BRSK1: variants seen among roughly 807,000 people sequenced by gnomAD.
BRSK1 encodes serine/threonine-protein kinase BRSK1.
BRSK1 carries 17 observed loss-of-function variants against 86.2 expected under a neutral mutation model. That is an observed-to-expected ratio of 0.20 (90% CI 0.14 to 0.30). BRSK1 has a LOEUF of 0.30. Among genes scored for constraint, BRSK1 ranks in the 10% least tolerant of loss-of-function variants. BRSK1 has a pLI of 1.00. For missense variants in BRSK1, 719 were observed against 1,071.9 expected (o/e 0.67, Z 4.60); for synonymous variants, 464 against 440.1 (o/e 1.05, Z -0.68).
At position 55,284,293 on chromosome 19, in the gene BRSK1, G is replaced by A; in HGVS notation, c.-150G>A. The A allele has an allele frequency of 1.6e-6, 1 of 634,904 alleles. No homozygotes were observed. The highest frequency in any genetic ancestry group is 2.2e-6 in the Non-Finnish European group (1 of 445,984). 39.3% of individuals were successfully genotyped at this position (634,904 alleles called of 1,614,324 possible). On this transcript the variant is annotated 5_prime_UTR_variant, in exon 1 of 19. Coordinates refer to ENST00000309383, the MANE Select transcript of BRSK1 (RefSeq NM_032430.2). ...AGCTCCGCGGCCCGCCGACTGGGGG[G>A]GGCCAGCCCAGCCCCCTGGGGACCC...
chr19:55,305,258 T>A, intron 14 of BRSK1, 63 bp from the exon 15 acceptor site: 1 of 1,596,402 alleles, frequency 6.3e-7, no homozygotes, highest in South Asian at 1.1e-5. Flanking sequence ...AGTGCAGGCC[T>A]GTGTGCTGGC....
rs557556929 is a variant in BRSK1, at chr19:55,309,312, C to T, written c.2179+584C>T. Among the ~76,000 whole-genome samples, 51 of 152,250 alleles carry T rather than the reference C, an allele frequency of 3.3e-4. 1 individual carries two copies. Among genetic ancestry groups the T allele is most frequent in the South Asian group, 6.2e-4 (3 of 4,828 alleles). ...GTGCAAGATCTTGCTCTGGGGAATC[C>T]GGCCTTCCCGGGCTCCCAGTCCTGG... is the stretch of plus-strand genomic sequence containing the variant. On this transcript the variant is annotated intron_variant, in intron 18 of 18. Coordinates refer to ENST00000309383, the MANE Select transcript of BRSK1 (RefSeq NM_032430.2).
chr19:55,291,602 A>G (rs896648689), intron 4 of BRSK1, among the ~76,000 whole-genome samples: 2 of 152,216 alleles, frequency 1.3e-5, no homozygotes, highest in Admixed American at 6.5e-5. Context: ...CTAACTGTTC[A>G]GGTACAAAAT....
At chr19:55,290,803 G>A (rs971209005) in intron 4 of BRSK1, among the ~76,000 whole-genome samples, 2 of 151,876 alleles carry the variant, frequency 1.3e-5, no homozygotes, top group East Asian at 1.9e-4. Flanking sequence ...CACCACGCCC[G>A]GCTAATTTTT....
intron 8 of BRSK1, 123 bp downstream of exon 8, chr19:55,301,781 C>T: frequency 8.2e-7 from 1 of 1,221,528 alleles, no homozygotes; most frequent in Non-Finnish European, 1.1e-6. Context: ...ACTGGGATCG[C>T]CAGCTGAGCC....
chr19:55,284,728 C>T lies in BRSK1; in HGVS notation c.136+150C>T, dbSNP rs2088282425. On this transcript the variant is annotated intron_variant, in intron 1 of 18. Transcript: ENST00000309383. Reference sequence around the variant, plus strand: ...GGACTTGGGATTCAGACTCCTGGGTCCCTGGATGGAGGGGGTGGGGGGCGC... The same window carrying T: ...GGACTTGGGATTCAGACTCCTGGGTTCCTGGATGGAGGGGGTGGGGGGCGC... 7.9e-6 allele frequency: 5 copies of T among 636,146 alleles called. No individual in the cohort carries two copies. The South Asian group carries it at 2.3e-4, about 30-fold the overall frequency. 39.4% of individuals were successfully genotyped at this position (636,146 alleles called of 1,614,324 possible).
Position 55,312,056 on chromosome 19 carries a change from C to G in BRSK1, c.2325C>G (p.Thr775=). Residue 775 remains threonine, a synonymous_variant, in exon 19 of 19, where the codon ACC becomes ACG. Coordinates refer to ENST00000309383, the MANE Select transcript of BRSK1 (RefSeq NM_032430.2). ...KDKKLLATNG[T]PLP is the part of the protein sequence containing the mutation. ...AGAAGCTCCTGGCCACCAACGGGAC[C>G]CCTCTGCCCTGACCCCACGGGGCCG... The G allele has an allele frequency of 6.9e-7, 1 of 1,453,838 alleles. No individual in the cohort carries two copies. Among genetic ancestry groups the G allele is most frequent in the African/African-American group, 1.5e-5 (1 of 68,866 alleles). 90.1% of individuals were successfully genotyped at this position (1,453,838 alleles called of 1,614,324 possible). A position where few individuals can be genotyped will look rare whatever the true frequency, so the allele number is the denominator to read the frequency against.
chr19:55,286,040 TGG>T (rs71181749), intron 1 of BRSK1, among the ~76,000 whole-genome samples: 1 of 60,646 alleles, frequency 1.6e-5, no homozygotes, highest in Non-Finnish European at 2.9e-5. Context: ...GAGGAGGGGC[TGG>T]GGGTCTGGAG....
At chr19:55,297,337 G>T (rs565779174) in intron 7 of BRSK1, among the ~76,000 whole-genome samples, 24 of 152,214 alleles carry the variant, frequency 1.6e-4, no homozygotes, top group African/African-American at 4.8e-4. Context: ...GGAGTGCTGG[G>T]ATTACAGGTG....
chr19:55,303,939 C>G lies in BRSK1; in HGVS notation c.1287-111C>G, dbSNP rs1385542635. On this transcript the variant is annotated intron_variant, in intron 12 of 18. Transcript: ENST00000309383. The surrounding 1 kb of genome is among the most constrained non-coding windows in gnomAD (Gnocchi z 5.1). Reference sequence around the variant, plus strand: ...GTGTCCTTGGGACAATTCACCTCCCCTCTCTGGGCCTCATTTCCTCACCTG... The same window carrying G: ...GTGTCCTTGGGACAATTCACCTCCCGTCTCTGGGCCTCATTTCCTCACCTG... 3.3e-6 allele frequency: 5 copies of G among 1,502,402 alleles called. No individual in the cohort carries two copies. The highest frequency in any genetic ancestry group is 4.5e-6 in the Non-Finnish European group (5 of 1,119,302). 93.1% of individuals were successfully genotyped at this position (1,502,402 alleles called of 1,614,324 possible).
chr19:55,289,640 G>A lies in BRSK1; in HGVS notation c.458+20G>A. 1 of 1,612,352 alleles carries A rather than the reference G, an allele frequency of 6.2e-7. No individual in the cohort carries two copies. The highest frequency in any genetic ancestry group is 8.5e-7 in the Non-Finnish European group (1 of 1,178,956). On this transcript the variant is annotated intron_variant, in intron 4 of 18. Transcript: ENST00000309383. ...CATCTGGTGAGTGGGCAGCTTGAGG[G>A]GGAGGAGGGGCTGAGGGCTGCCCAG...
rs1277675521 is a variant in BRSK1, at chr19:55,308,629, G to A, written c.2090-10G>A. On this transcript the variant is annotated splice_polypyrimidine_tract_variant and intron_variant, in intron 17 of 18. Transcript: ENST00000309383. ...CCAGTCAGTGTTTTTCTGCCCGCCTGTGCCTCTAGGTCCCAGCCGTCGGTT... is the reference window on the plus strand; with the variant it reads ...CCAGTCAGTGTTTTTCTGCCCGCCTATGCCTCTAGGTCCCAGCCGTCGGTT... The A allele has an allele frequency of 1.9e-6, 3 of 1,609,296 alleles. No individual in the cohort carries two copies. Among genetic ancestry groups the A allele is most frequent in the South Asian group, 1.1e-5 (1 of 90,960 alleles).
At chr19:55,288,231 A>C (rs2088349589) in intron 3 of BRSK1, among the ~76,000 whole-genome samples, 2 of 152,226 alleles carry the variant, frequency 1.3e-5, no homozygotes, top group South Asian at 4.1e-4. Flanking sequence ...CTGTAATCTC[A>C]ACACTTTGGG....
At chr19:55,301,752 C>T in intron 8 of BRSK1, 94 bp downstream of exon 8, 2 of 1,412,024 alleles carry the variant, frequency 1.4e-6, no homozygotes, top group Non-Finnish European at 1.9e-6. Flanking sequence ...CCAGAACCTG[C>T]TCGTCAGTCC....
chr19:55,284,265 C>A lies in BRSK1; in HGVS notation c.-178C>A. The stretch of plus-strand genomic sequence containing the variant: ...ACCCCCCCGGGCCAGCCCCCCCTCC[C>A]CCAGCTCCGCGGCCCGCCGACTGGG... On this transcript the variant is annotated 5_prime_UTR_variant, in exon 1 of 19. Transcript: ENST00000309383. 1 of 491,782 alleles carries A rather than the reference C, an allele frequency of 2.0e-6. No individual in the cohort carries two copies. Among genetic ancestry groups the A allele is most frequent in the South Asian group, 1.0e-4 (1 of 9,694 alleles). 30.5% of individuals were successfully genotyped at this position (491,782 alleles called of 1,614,324 possible).
chr19:55,292,741 G>A (rs1297461490), intron 4 of BRSK1, among the ~76,000 whole-genome samples: 1 of 151,992 alleles, frequency 6.6e-6, no homozygotes, highest in Admixed American at 6.6e-5. Flanking sequence ...GGCTGAGGCA[G>A]GAGAATTGCT....
In BRSK1 at chr19:55,289,373, A is replaced by G. The variant is rs1276226097; in HGVS notation, c.318-107A>G. On this transcript the variant is annotated intron_variant, in intron 3 of 18. Coordinates refer to ENST00000309383, the MANE Select transcript of BRSK1 (RefSeq NM_032430.2). ...TTGGAGTCTCTTTCTCCCAAGGATC[A>G]TGGGAATTGGAGTTCTCTGCCACCA... 2.3e-6 allele frequency: 3 copies of G among 1,311,768 alleles called. No individual in the cohort carries two copies. In the African/African-American group the frequency reaches 4.5e-5, roughly 19 times the overall value. The allele number at this position is 1,311,768 out of a possible 1,614,324, so 81.3% of individuals were successfully genotyped here.
intron 4 of BRSK1, among the ~76,000 whole-genome samples, chr19:55,290,237 C>T (rs1472562487): frequency 6.6e-6 from 1 of 152,224 alleles, no homozygotes; most frequent in Non-Finnish European, 1.5e-5. Context: ...CTCAGGTGAT[C>T]TGCCCGCCTA....
intron 7 of BRSK1, among the ~76,000 whole-genome samples, chr19:55,296,178 G>C (rs930077991): frequency 6.6e-6 from 1 of 151,788 alleles, no homozygotes; most frequent in African/African-American, 2.4e-5. Context: ...AGACCCCCCT[G>C]TGGTAGGCTC....
Sources: gnomAD v4.1 joint callset for allele counts (sites outside exome capture counted in the v4.1 genomes callset) on GRCh38, gnomAD v4.1.1 for gene constraint, Gnocchi (gnomAD v3.1) non-coding constraint, MANE v1.5 for transcripts, NCBI Gene and HGNC (gene_info 2026-07-23, HGNC 2026-07-21) for gene names.